The following GALNT13 variants were observed in gnomAD, a reference collection of about 807,000 sequenced individuals.
GALNT13 encodes UDP-GalNAc:polypeptide N-acetylgalactosaminyltransferase 13.
GALNT13 carries 28 observed loss-of-function variants against 64.2 expected under a neutral mutation model. The observed-to-expected ratio is 0.44, with a 90% CI of 0.32 to 0.60. The LOEUF is 0.60. GALNT13 is among the 20% of genes least tolerant of loss of function. GALNT13 has a pLI of 0.05. For missense variants in GALNT13, 577 were observed against 669.8 expected, an observed-to-expected ratio of 0.86 and a Z score of 1.53; for synonymous variants, 214 against 224.6, an observed-to-expected ratio of 0.95 and a Z score of 0.42.
the GALNT13 span, among the ~76,000 whole-genome samples, chr2:153,846,815 CT>C: frequency 6.6e-6 from 1 of 152,104 alleles, no homozygotes; most frequent in South Asian, 2.1e-4. Flanking sequence ...ACAATTGCAT[CT>C]GCACCAAACC....
At chr2:153,705,633 G>T in the GALNT13 span, among the ~76,000 whole-genome samples, 1 of 152,146 alleles carries the variant, frequency 6.6e-6, no homozygotes, top group Admixed American at 6.6e-5. Context: ...TGAAACTCAA[G>T]GGAAAAGTTA....
intron 9 of GALNT13, among the ~76,000 whole-genome samples, chr2:154,373,368 C>T (rs569235742): frequency 5.9e-5 from 9 of 152,192 alleles, no homozygotes; most frequent in African/African-American, 2.2e-4. Context: ...CATAATGGCA[C>T]CAGAATTTTC....
At chr2:154,398,538 TA>T in intron 10 of GALNT13, among the ~76,000 whole-genome samples, 1 of 152,230 alleles carries the variant, frequency 6.6e-6, no homozygotes, top group East Asian at 1.9e-4. Context: ...GACCATATTT[TA>T]ATCTGTAGAA....
At chr2:153,665,504 G>C in the GALNT13 span, among the ~76,000 whole-genome samples, 4 of 151,812 alleles carry the variant, frequency 2.6e-5, no homozygotes, top group Non-Finnish European at 4.4e-5. Context: ...CCCCTATCTA[G>C]CATAGAATGT....
At chr2:153,761,147 A>G in the GALNT13 span, among the ~76,000 whole-genome samples, 1 of 152,284 alleles carries the variant, frequency 6.6e-6, no homozygotes, top group Admixed American at 6.5e-5. Context: ...TGGGTAGCAT[A>G]GAGCTGGGTC....
At chr2:154,329,850 G>T (rs1695074406) in intron 9 of GALNT13, among the ~76,000 whole-genome samples, 1 of 151,904 alleles carries the variant, frequency 6.6e-6, no homozygotes, top group South Asian at 2.1e-4. Flanking sequence ...TGTGATCTCT[G>T]TGCAGAATGG....
chr2:154,442,498 C>T (rs953938682), intron 12 of GALNT13, among the ~76,000 whole-genome samples: 1 of 151,994 alleles, frequency 6.6e-6, no homozygotes, highest in Non-Finnish European at 1.5e-5. Flanking sequence ...TTGTGGGGTA[C>T]CTACGTGGTC....
At chr2:153,335,513 G>A in the GALNT13 span, among the ~76,000 whole-genome samples, 15 of 152,264 alleles carry the variant, frequency 9.9e-5, no homozygotes, top group East Asian at 1.9e-4. Flanking sequence ...AGAGACTGGC[G>A]GCATTTTGCC....
chr2:154,013,012 T>C (rs2105253491), intron 3 of GALNT13, among the ~76,000 whole-genome samples: 1 of 151,386 alleles, frequency 6.6e-6, no homozygotes, highest in East Asian at 1.9e-4. Context: ...TCTCCAGGAT[T>C]TTGATGATCT....
At chr2:154,064,620 C>A (rs1700364621) in intron 3 of GALNT13, among the ~76,000 whole-genome samples, 1 of 152,074 alleles carries the variant, frequency 6.6e-6, no homozygotes, top group African/African-American at 2.4e-5. Context: ...TTTCTAGACA[C>A]ACCATGGGCC....
At chr2:153,251,629 C>T in the GALNT13 span, among the ~76,000 whole-genome samples, 1 of 113,648 alleles carries the variant, frequency 8.8e-6, no homozygotes, top group Admixed American at 1.2e-4. Flanking sequence ...CCTCCCCCCA[C>T]CCCACCACAG....
chr2:153,231,149 C>T, the GALNT13 span, among the ~76,000 whole-genome samples: 1 of 152,108 alleles, frequency 6.6e-6, no homozygotes, highest in Non-Finnish European at 1.5e-5. Flanking sequence ...GAGATACTCC[C>T]AGGAATGTAG....
At chr2:154,270,539 A>T (rs1691298698) in intron 8 of GALNT13, among the ~76,000 whole-genome samples, 1 of 151,962 alleles carries the variant, frequency 6.6e-6, no homozygotes, top group Non-Finnish European at 1.5e-5. Context: ...TCACAATTGA[A>T]ATGATTCAAA....
At chr2:154,136,032 A>G (rs1374734887) in intron 3 of GALNT13, among the ~76,000 whole-genome samples, 1 of 152,148 alleles carries the variant, frequency 6.6e-6, no homozygotes, top group East Asian at 1.9e-4. Context: ...GACCAAAAGC[A>G]TTGTTTTAGG....
At chr2:153,701,192 A>T in the GALNT13 span, among the ~76,000 whole-genome samples, 4 of 152,192 alleles carry the variant, frequency 2.6e-5, no homozygotes, top group Non-Finnish European at 5.9e-5. Context: ...ATAACACCAC[A>T]CATCTACAAC....
At chr2:154,241,755 T>C (rs1039157137) in intron 4 of GALNT13, among the ~76,000 whole-genome samples, 1 of 152,196 alleles carries the variant, frequency 6.6e-6, no homozygotes, top group Non-Finnish European at 1.5e-5. Flanking sequence ...TTATTTTATA[T>C]TTCTTAGGTT....
At chr2:154,406,028 A>G (rs1359638357) in intron 10 of GALNT13, among the ~76,000 whole-genome samples, 1 of 152,164 alleles carries the variant, frequency 6.6e-6, no homozygotes, top group Non-Finnish European at 1.5e-5. Context: ...TTTTAGATCT[A>G]TCAAAGTGAT....
chr2:153,650,502 T>C, the GALNT13 span, among the ~76,000 whole-genome samples: 3 of 152,202 alleles, frequency 2.0e-5, no homozygotes, highest in African/African-American at 7.2e-5. Context: ...TTTGATCCTG[T>C]CATTATGATG....
chr2:153,247,175 C>T, the GALNT13 span, among the ~76,000 whole-genome samples: 1 of 152,138 alleles, frequency 6.6e-6, no homozygotes. Flanking sequence ...TAGATTCTCA[C>T]ATAATAATAG....
Sources: gnomAD v4.1 joint callset for allele counts (sites outside exome capture counted in the v4.1 genomes callset) on GRCh38, gnomAD v4.1.1 for gene constraint, MANE v1.5 for transcripts, NCBI Gene and HGNC (gene_info 2026-07-23, HGNC 2026-07-21) for gene names.